MARCHF6: variants seen among roughly 807,000 people sequenced by gnomAD.
MARCHF6 encodes membrane associated ring-CH-type finger 6.
In MARCHF6, 31 loss-of-function variants were observed where a neutral mutation model predicts 133.7. The ratio of observed to expected loss-of-function variants is 0.23; its 90% CI spans 0.17 to 0.31. The LOEUF is 0.31. MARCHF6 is among the 10% of genes least tolerant of loss of function. The pLI, the probability that MARCHF6 is intolerant of heterozygous loss-of-function variation, is 1.00. For missense variants in MARCHF6, 723 were observed against 1,121.6 expected (o/e 0.64, Z 5.08); for synonymous variants, 395 against 402.5 (o/e 0.98, Z 0.22).
intron 16 of MARCHF6, 93 bp downstream of exon 16, chr5:10,405,770 T>C (rs1738848275): frequency 1.2e-5 from 14 of 1,129,908 alleles, no homozygotes; most frequent in Non-Finnish European, 1.7e-5. Context: ...TCAAGCAGGC[T>C]GATAGAGTAT....
At chr5:10,430,109 G>A (rs1177692944) in intron 25 of MARCHF6, 81 bp downstream of exon 25, 1 of 1,462,878 alleles carries the variant, frequency 6.8e-7, no homozygotes, top group Non-Finnish European at 9.4e-7. Flanking sequence ...AATCATAGGA[G>A]GGAAACATGC....
intron 18 of MARCHF6, among the ~76,000 whole-genome samples, chr5:10,410,492 C>T (rs964048010): frequency 6.7e-6 from 1 of 150,138 alleles, no homozygotes; most frequent in Non-Finnish European, 1.5e-5. Flanking sequence ...TTTTTGCCCT[C>T]TTATAGAAGT....
In MARCHF6 at chr5:10,421,264, G is replaced by A. The variant is rs901700410; in HGVS notation, c.2284-2471G>A. Among the ~76,000 whole-genome samples the A allele has an allele frequency of 3.9e-5, 6 of 152,152 alleles. No individual in the cohort carries two copies. In the East Asian group the frequency reaches 9.6e-4, roughly 24 times the overall value. ...CATCATTTTTTATAGCAAAAAATGA[G>A]AAGTGATCTAGATGTCCACCAATAG... is the stretch of plus-strand genomic sequence containing the variant. On this transcript the variant is annotated intron_variant, in intron 22 of 25. Coordinates refer to ENST00000274140, the MANE Select transcript of MARCHF6 (RefSeq NM_005885.4).
intron 24 of MARCHF6, 117 bp downstream of exon 24, chr5:10,426,639 C>G: frequency 1.8e-6 from 2 of 1,111,184 alleles, no homozygotes; most frequent in Middle Eastern, 2.1e-4. Context: ...AATGTGAATC[C>G]AGCTAAGACA....
intron 1 of MARCHF6, among the ~76,000 whole-genome samples, chr5:10,368,136 TTAC>T (rs1340064700): frequency 6.6e-6 from 1 of 152,230 alleles, no homozygotes; most frequent in Admixed American, 6.5e-5. Flanking sequence ...CTTGGCCTTG[TTAC>T]TCTGTTGAGG....
chr5:10,410,780 T>C (rs982824833), intron 18 of MARCHF6, among the ~76,000 whole-genome samples: 3 of 152,160 alleles, frequency 2.0e-5, no homozygotes, highest in African/African-American at 4.8e-5. Context: ...AAGTACAGAT[T>C]TGGTTATATT....
At chr5:10,364,508 GC>G (rs558791983) in intron 1 of MARCHF6, among the ~76,000 whole-genome samples, 3 of 152,138 alleles carry the variant, frequency 2.0e-5, no homozygotes, top group Non-Finnish European at 4.4e-5. Context: ...AAGTTTAACT[GC>G]CCCTAGCCAA....
At chr5:10,427,106 C>A (rs1740125710) in intron 24 of MARCHF6, among the ~76,000 whole-genome samples, 1 of 152,214 alleles carries the variant, frequency 6.6e-6, no homozygotes, top group Non-Finnish European at 1.5e-5. Context: ...AAGTCAGAAA[C>A]CTTGAAGGCT....
intron 23 of MARCHF6, among the ~76,000 whole-genome samples, chr5:10,425,060 C>T (rs1305126729): frequency 6.6e-6 from 1 of 152,164 alleles, no homozygotes; most frequent in Non-Finnish European, 1.5e-5. Context: ...ATAAGTAAGA[C>T]ATAACAGTTC....
At chr5:10,374,537 G>A (rs992531948) in intron 1 of MARCHF6, among the ~76,000 whole-genome samples, 3 of 152,132 alleles carry the variant, frequency 2.0e-5, no homozygotes, top group African/African-American at 7.2e-5. Context: ...TTTTGTTTGT[G>A]TTGGAACTTT....
At chr5:10,410,946 G>A (rs984998923) in intron 18 of MARCHF6, among the ~76,000 whole-genome samples, 2 of 152,112 alleles carry the variant, frequency 1.3e-5, no homozygotes, top group African/African-American at 4.8e-5. Context: ...TTTTCCTCCT[G>A]TAGATCCTTA....
intron 1 of MARCHF6, among the ~76,000 whole-genome samples, chr5:10,358,099 A>G (rs1453439502): frequency 6.6e-6 from 1 of 151,996 alleles, no homozygotes; most frequent in Non-Finnish European, 1.5e-5. Context: ...AGAAGGAGCA[A>G]AGGAGAAGGA....
chr5:10,415,759 A>G (rs374774635), intron 21 of MARCHF6, 90 bp downstream of exon 21: 2 of 1,058,858 alleles, frequency 1.9e-6, no homozygotes, highest in African/African-American at 3.2e-5. Context: ...TGGCACATTT[A>G]TTTCCTTACT....
intron 4 of MARCHF6, among the ~76,000 whole-genome samples, chr5:10,386,168 G>C (rs895727393): frequency 3.3e-5 from 5 of 152,080 alleles, no homozygotes; most frequent in African/African-American, 4.8e-5. Context: ...AAACATGTAA[G>C]TAATTTTTAT....
chr5:10,388,948 A>C (rs1208518313), intron 5 of MARCHF6, among the ~76,000 whole-genome samples: 2 of 152,200 alleles, frequency 1.3e-5, no homozygotes, highest in Admixed American at 1.3e-4. Flanking sequence ...AACCTTTCAG[A>C]ATTTAGTAGC....
At chr5:10,373,465 C>T (rs565762375) in intron 1 of MARCHF6, among the ~76,000 whole-genome samples, 24 of 152,242 alleles carry the variant, frequency 1.6e-4, no homozygotes, top group African/African-American at 3.4e-4. Flanking sequence ...TCTCAGGCCA[C>T]GCAGGGCTAG....
At chr5:10,398,152 T>C (rs1203663543) in intron 10 of MARCHF6, among the ~76,000 whole-genome samples, 21 of 152,312 alleles carry the variant, frequency 1.4e-4, no homozygotes, top group Non-Finnish European at 2.9e-5. Context: ...GAGAAATTCC[T>C]TCCTTAGTAC....
chr5:10,375,362 C>T (rs992279452), intron 1 of MARCHF6, among the ~76,000 whole-genome samples: 36 of 152,372 alleles, frequency 2.4e-4, no homozygotes, highest in Middle Eastern at 3.4e-3. Context: ...GCGCTGTGCT[C>T]GATTTCTTGC....
intron 17 of MARCHF6, among the ~76,000 whole-genome samples, chr5:10,409,632 C>G (rs1739105856): frequency 1.3e-5 from 2 of 152,120 alleles, no homozygotes; most frequent in Admixed American, 1.3e-4. Flanking sequence ...AGTGATCTAA[C>G]TTAGGTTTAA....
Sources: gnomAD v4.1 joint callset for allele counts (sites outside exome capture counted in the v4.1 genomes callset) on GRCh38, gnomAD v4.1.1 for gene constraint, MANE v1.5 for transcripts, NCBI Gene and HGNC (gene_info 2026-07-23, HGNC 2026-07-21) for gene names.